Variants in PRELID2 observed in about 807,000 individuals in gnomAD.
The protein encoded by PRELID2 is PRELI domain-containing protein 2.
PRELID2 carries 25 observed loss-of-function variants against 28.4 expected under a neutral mutation model. The ratio of observed to expected loss-of-function variants is 0.88; its 90% CI spans 0.64 to 1.23. The LOEUF (loss-of-function observed/expected upper bound fraction) is 1.23. PRELID2 is among the 50% of genes most tolerant of loss of function. The pLI is 0.00. For synonymous variants in PRELID2, 76 were observed against 71.6 expected, an observed-to-expected ratio of 1.06 and a Z score of -0.31; for missense variants, 201 against 214.4, an observed-to-expected ratio of 0.94 and a Z score of 0.39.
At chr5:145,679,038 C>T (rs551665230) in intron 1 of PRELID2, among the ~76,000 whole-genome samples, 1 of 152,136 alleles carries the variant, frequency 6.6e-6, no homozygotes, top group East Asian at 1.9e-4. Context: ...TCTAAACAGT[C>T]CAAAGATGTG....
At chr5:145,418,294 A>G in the PRELID2 span, among the ~76,000 whole-genome samples, 1 of 152,154 alleles carries the variant, frequency 6.6e-6, no homozygotes, top group Non-Finnish European at 1.5e-5. Flanking sequence ...AATCAATATC[A>G]TGAAAATGGC....
At chr5:145,753,665 A>G (rs1362390604), downstream of PRELID2, among the ~76,000 whole-genome samples, 4 of 152,186 alleles carry the variant, frequency 2.6e-5, no homozygotes, top group Non-Finnish European at 5.9e-5. Flanking sequence ...CTTGGGAGCT[A>G]CATGCAACCC....
At chr5:145,248,661 G>T in the PRELID2 span, among the ~76,000 whole-genome samples, 1 of 152,048 alleles carries the variant, frequency 6.6e-6, no homozygotes, top group East Asian at 1.9e-4. Flanking sequence ...GCTGGGCATG[G>T]TGGTGCACAC....
chr5:145,686,328 A>C (rs1277764341), intron 1 of PRELID2, among the ~76,000 whole-genome samples: 2 of 152,160 alleles, frequency 1.3e-5, no homozygotes, highest in East Asian at 3.8e-4. Context: ...TCAATAACTA[A>C]ATTCGAATGA....
exon 3 of PRELID2, chr5:145,471,806 C>A (rs180772314): frequency 6.6e-5 from 10 of 152,036 alleles, no homozygotes; most frequent in Non-Finnish European, 1.3e-4. Context: ...TCAACATAAT[C>A]CAACTTAGGC....
chr5:145,324,486 G>T, the PRELID2 span, among the ~76,000 whole-genome samples: 1 of 152,150 alleles, frequency 6.6e-6, no homozygotes, highest in Non-Finnish European at 1.5e-5. Context: ...AGTTTTAGGA[G>T]TTCCTTGTTT....
At chr5:145,795,680 T>C (rs1218159740) in intron 5 of PRELID2, 3 of 152,100 alleles carry the variant, frequency 2.0e-5, no homozygotes, top group African/African-American at 7.2e-5. Context: ...TCGTAATTAA[T>C]AACAATAATA....
the PRELID2 span, among the ~76,000 whole-genome samples, chr5:145,336,967 TG>T: frequency 5.8e-5 from 4 of 69,030 alleles, no homozygotes; most frequent in African/African-American, 1.2e-4. Flanking sequence ...TGTTGTGGGG[TG>T]GGGGGAGGGG....
intron 1 of PRELID2, among the ~76,000 whole-genome samples, chr5:145,546,960 C>T (rs932305858): frequency 3.9e-5 from 6 of 152,140 alleles, no homozygotes; most frequent in East Asian, 1.9e-4. Flanking sequence ...TCTGTTAAAG[C>T]GGGAGTAATA....
chr5:145,705,272 C>T (rs535847512), intron 1 of PRELID2, among the ~76,000 whole-genome samples: 176 of 151,972 alleles, frequency 1.2e-3, no homozygotes, highest in Middle Eastern at 3.4e-3. Context: ...CTCACTGCAA[C>T]CTCCACCACC....
At chr5:145,412,953 C>G in the PRELID2 span, among the ~76,000 whole-genome samples, 2 of 152,092 alleles carry the variant, frequency 1.3e-5, no homozygotes, top group African/African-American at 4.8e-5. Flanking sequence ...AAATCACTCA[C>G]TATCATGAGA....
chr5:145,729,197 G>T, intron 1 of PRELID2: 1 of 726,030 alleles, frequency 1.4e-6, no homozygotes, highest in Non-Finnish European at 2.4e-6. Flanking sequence ...TGATGCTCTG[G>T]GTTTCGGAAG....
chr5:145,817,782 T>C, intron 4 of PRELID2, 112 bp downstream of exon 4: 1 of 904,592 alleles, frequency 1.1e-6, no homozygotes, highest in Non-Finnish European at 1.5e-6. Flanking sequence ...ATGTGGAATT[T>C]GTATGAGTTA....
the PRELID2 span, among the ~76,000 whole-genome samples, chr5:145,279,090 T>C: frequency 1.3e-5 from 2 of 152,164 alleles, no homozygotes; most frequent in African/African-American, 4.8e-5. Flanking sequence ...AACAAAGAGT[T>C]CTCAGTTTCT....
chr5:145,367,292 G>C, the PRELID2 span, among the ~76,000 whole-genome samples: 1 of 151,852 alleles, frequency 6.6e-6, no homozygotes. Flanking sequence ...TTTTTAAGTA[G>C]ACTTTATTTT....
At chr5:145,297,620 G>A in the PRELID2 span, among the ~76,000 whole-genome samples, 1 of 151,572 alleles carries the variant, frequency 6.6e-6, no homozygotes, top group Non-Finnish European at 1.5e-5. Flanking sequence ...TCTGGCCAGG[G>A]CAATTAGGCA....
intron 1 of PRELID2, among the ~76,000 whole-genome samples, chr5:145,515,693 A>G (rs943443279): frequency 1.3e-5 from 2 of 152,190 alleles, no homozygotes; most frequent in Non-Finnish European, 2.9e-5. Context: ...GAAAACAACA[A>G]AAATTTCAGG....
the PRELID2 span, among the ~76,000 whole-genome samples, chr5:145,342,541 A>G: frequency 2.0e-5 from 3 of 152,108 alleles, no homozygotes; most frequent in Admixed American, 6.5e-5. Context: ...TATATATAAA[A>G]TGTGGTTGGA....
chr5:145,366,582 A>G, the PRELID2 span, among the ~76,000 whole-genome samples: 1 of 151,926 alleles, frequency 6.6e-6, no homozygotes, highest in African/African-American at 2.4e-5. Context: ...TTGAAGTAAC[A>G]GGACAGATAA....
Sources: allele counts gnomAD v4.1 joint callset (sites outside exome capture counted in the v4.1 genomes callset), GRCh38; gene constraint gnomAD v4.1.1; transcripts MANE v1.5; gene names NCBI Gene and HGNC (gene_info 2026-07-23, HGNC 2026-07-21).